The following AKAP19 variants were observed in gnomAD, a reference collection of about 807,000 sequenced individuals.
AKAP19 encodes small A-kinase anchoring protein.
chr2:189,977,551 A>G, the AKAP19 span, among the ~76,000 whole-genome samples: 1 of 152,240 alleles, frequency 6.6e-6, no homozygotes. Context: ...ATGGTGTCTG[A>G]TATGCCTATT....
the AKAP19 span, among the ~76,000 whole-genome samples, chr2:190,041,064 C>T: frequency 6.6e-6 from 1 of 152,176 alleles, no homozygotes; most frequent in East Asian, 1.9e-4. Flanking sequence ...TGAAGAATGT[C>T]ATTCGTAGTT....
the AKAP19 span, among the ~76,000 whole-genome samples, chr2:190,038,988 T>TTC: frequency 1.5e-5 from 2 of 135,712 alleles, no homozygotes; most frequent in African/African-American, 6.3e-5. Context: ...TTCTTCTTCC[T>TTC]TTCTTTCTTC....
At chr2:189,938,294 C>T in the AKAP19 span, among the ~76,000 whole-genome samples, 66 of 151,350 alleles carry the variant, frequency 4.4e-4, no homozygotes, top group Non-Finnish European at 8.0e-4. Context: ...CGAGATCATG[C>T]CACTGCACTC....
chr2:190,147,744 T>TGTTG, the AKAP19 span, among the ~76,000 whole-genome samples: 1 of 145,546 alleles, frequency 6.9e-6, no homozygotes, highest in South Asian at 2.2e-4. Flanking sequence ...CTAAGGTTTT[T>TGTTG]TTTTTGTTGT....
At chr2:190,060,570 G>C in the AKAP19 span, 1 of 759,084 alleles carries the variant, frequency 1.3e-6, no homozygotes, top group South Asian at 2.0e-5. Flanking sequence ...AATACCGTGT[G>C]GAACTTTATA....
the AKAP19 span, among the ~76,000 whole-genome samples, chr2:190,089,211 C>G: frequency 6.6e-6 from 1 of 152,116 alleles, no homozygotes; most frequent in African/African-American, 2.4e-5. Context: ...TCCATTTCAA[C>G]TAGGTTTTGT....
chr2:190,176,258 C>T, the AKAP19 span, among the ~76,000 whole-genome samples: 1 of 152,160 alleles, frequency 6.6e-6, no homozygotes, highest in Non-Finnish European at 1.5e-5. This position sits in a 1 kb window ranked among gnomAD's most constrained non-coding sequence, Gnocchi z 4.7. Context: ...CATTAAGGTT[C>T]ACAACAAGGT....
chr2:190,035,011 C>T, the AKAP19 span, among the ~76,000 whole-genome samples: 1 of 152,130 alleles, frequency 6.6e-6, no homozygotes, highest in East Asian at 1.9e-4. Flanking sequence ...TTTATCTATT[C>T]CCTAACTCAT....
the AKAP19 span, among the ~76,000 whole-genome samples, chr2:190,049,494 T>C: frequency 6.6e-6 from 1 of 152,222 alleles, no homozygotes; most frequent in African/African-American, 2.4e-5. Flanking sequence ...ATCATATTCT[T>C]TGATTCTGCA....
At chr2:190,095,248 T>G in the AKAP19 span, among the ~76,000 whole-genome samples, 3 of 152,038 alleles carry the variant, frequency 2.0e-5, no homozygotes, top group African/African-American at 2.4e-5. Context: ...ACCAGGACAA[T>G]GATCCATGAA....
At chr2:190,104,231 A>C in the AKAP19 span, among the ~76,000 whole-genome samples, 1 of 152,220 alleles carries the variant, frequency 6.6e-6, no homozygotes, top group African/African-American at 2.4e-5. Flanking sequence ...AACTGTAAGA[A>C]TCTTAGAAGA....
chr2:189,895,882 A>G, the AKAP19 span, among the ~76,000 whole-genome samples: 1 of 152,024 alleles, frequency 6.6e-6, no homozygotes, highest in Non-Finnish European at 1.5e-5. Context: ...ACGGTGGTAC[A>G]TGCCTATAGT....
the AKAP19 span, among the ~76,000 whole-genome samples, chr2:190,172,800 A>G: frequency 2.0e-4 from 31 of 152,182 alleles, no homozygotes; most frequent in African/African-American, 7.2e-4. Flanking sequence ...ATACCTCACA[A>G]TGCTAGTGTG....
chr2:190,193,695 A>T, the AKAP19 span, among the ~76,000 whole-genome samples: 1 of 152,142 alleles, frequency 6.6e-6, no homozygotes, highest in Non-Finnish European at 1.5e-5. Flanking sequence ...CCCATTACAC[A>T]TCTTAATATG....
At chr2:189,894,224 A>G in the AKAP19 span, among the ~76,000 whole-genome samples, 1 of 152,202 alleles carries the variant, frequency 6.6e-6, no homozygotes, top group African/African-American at 2.4e-5. Context: ...TCAGATACTT[A>G]TATACAGAAT....
the AKAP19 span, among the ~76,000 whole-genome samples, chr2:189,895,793 G>A: frequency 6.6e-6 from 1 of 151,994 alleles, no homozygotes; most frequent in Non-Finnish European, 1.5e-5. Context: ...TAGTTTAAAA[G>A]CATGCTTAAG....
chr2:190,031,806 A>G, the AKAP19 span, among the ~76,000 whole-genome samples: 4 of 152,236 alleles, frequency 2.6e-5, no homozygotes, highest in Admixed American at 6.5e-5. Context: ...CCTGGAAAGA[A>G]TAACTATTTA....
chr2:189,992,473 TTC>T, the AKAP19 span, among the ~76,000 whole-genome samples: 1 of 152,222 alleles, frequency 6.6e-6, no homozygotes, highest in Non-Finnish European at 1.5e-5. Flanking sequence ...CTCCAGTGTA[TTC>T]TTTTTGCTTA....
At chr2:189,911,021 T>G in the AKAP19 span, among the ~76,000 whole-genome samples, 9 of 152,058 alleles carry the variant, frequency 5.9e-5, no homozygotes, top group Non-Finnish European at 1.2e-4. Context: ...GATTTACATA[T>G]TGATAAAAAG....
Sources: allele counts gnomAD v4.1 joint callset (sites outside exome capture counted in the v4.1 genomes callset), GRCh38; gene constraint gnomAD v4.1.1; non-coding constraint Gnocchi (gnomAD v3.1); transcripts MANE v1.5; gene names NCBI Gene and HGNC (gene_info 2026-07-23, HGNC 2026-07-21).